Variants in TNRC6C observed in about 807,000 individuals in gnomAD.
TNRC6C encodes the protein trinucleotide repeat containing adaptor 6C, also known as trinucleotide repeat-containing gene 6C protein.
A neutral mutation model predicts 153.7 loss-of-function variants in TNRC6C; 20 were observed. That is an observed-to-expected ratio of 0.13 (90% CI 0.09 to 0.19). TNRC6C has a LOEUF of 0.19. Among genes scored for constraint, TNRC6C ranks in the 10% least tolerant of loss-of-function variants. The pLI, the probability that TNRC6C is intolerant of heterozygous loss-of-function variation, is 1.00. For missense variants in TNRC6C, 1,987 were observed against 2,172.0 expected, an observed-to-expected ratio of 0.91 and a Z score of 1.69; for synonymous variants, 811 against 841.4, an observed-to-expected ratio of 0.96 and a Z score of 0.63.
At chr17:77,959,104 C>T (rs961514324), upstream of TNRC6C, 10 of 146,530 alleles carry the variant, frequency 6.8e-5, no homozygotes, top group South Asian at 1.8e-3. Context: ...GCAGCCGCCG[C>T]CGCCGCCCGC....
At chr17:77,972,241 G>C (rs1021553830) in intron 1 of TNRC6C, among the ~76,000 whole-genome samples, 5 of 152,118 alleles carry the variant, frequency 3.3e-5, no homozygotes, top group Admixed American at 2.0e-4. Flanking sequence ...GGCCAGGCGC[G>C]GTGGCACACT....
In TNRC6C at chr17:78,104,874, C is replaced by CGACCCCTCCCGG. The variant is rs550163125; in HGVS notation, c.*42_*53dup. The CGACCCCTCCCGG allele has an allele frequency of 2.9e-4, 408 of 1,400,010 alleles. 3 individuals carry two copies. Among genetic ancestry groups the CGACCCCTCCCGG allele is most frequent in the African/African-American group, 1.2e-4 (8 of 65,974 alleles). 86.7% of individuals were successfully genotyped at this position (1,400,010 alleles called of 1,614,324 possible). On this transcript the variant is annotated 3_prime_UTR_variant, in exon 20 of 20. Coordinates refer to ENST00000301624, the Ensembl canonical transcript of TNRC6C. The surrounding 1 kb of genome is among the most constrained non-coding windows in gnomAD (Gnocchi z 6.2). ...CTGCCATCATCAGCACCAGGAGAGC[C>CGACCCCTCCCGG]GACCCCTCCCGGGACCCCTCCCGGC... is the stretch of plus-strand genomic sequence containing the variant.
At chr17:78,054,548 A>C (rs2072607898) in intron 3 of TNRC6C, among the ~76,000 whole-genome samples, 1 of 152,002 alleles carries the variant, frequency 6.6e-6, no homozygotes, top group African/African-American at 2.4e-5. Flanking sequence ...AGCACTGTAC[A>C]TCACTGTGGA....
chr17:78,011,336 T>C (rs1478723363), intron 1 of TNRC6C, among the ~76,000 whole-genome samples: 1 of 152,244 alleles, frequency 6.6e-6, no homozygotes, highest in Non-Finnish European at 1.5e-5. Context: ...CCATCTCCTC[T>C]GTCCCCACCC....
chr17:78,097,813 G>A (rs1055653500), intron 16 of TNRC6C: 35 of 1,550,716 alleles, frequency 2.3e-5, no homozygotes, highest in African/African-American at 5.5e-5. Context: ...CAGTGCCTCC[G>A]GCTACAGTAG....
upstream of TNRC6C, among the ~76,000 whole-genome samples, chr17:77,958,666 C>T (rs1598631922): frequency 6.6e-6 from 1 of 151,926 alleles, no homozygotes; most frequent in Non-Finnish European, 1.5e-5. Context: ...GCGCGAGCGC[C>T]CCGTCTGGCT....
intron 2 of TNRC6C, among the ~76,000 whole-genome samples, chr17:78,046,656 C>G (rs1022959817): frequency 6.6e-6 from 1 of 152,180 alleles, no homozygotes; most frequent in Admixed American, 6.5e-5. Context: ...CAAGATGATA[C>G]AATGTCCAAG....
At chr17:78,037,224 C>T (rs949489297) in intron 2 of TNRC6C, among the ~76,000 whole-genome samples, 2 of 152,194 alleles carry the variant, frequency 1.3e-5, no homozygotes, top group African/African-American at 4.8e-5. Context: ...AGCAGTGCCA[C>T]ACTCGGCTTG....
upstream of TNRC6C, among the ~76,000 whole-genome samples, chr17:78,004,780 T>C (rs2071467755): frequency 6.6e-6 from 1 of 152,168 alleles, no homozygotes; most frequent in Non-Finnish European, 1.5e-5. Context: ...TAATGTATCT[T>C]GTAGTTTAAA....
chr17:78,070,117 C>T (rs766382265), intron 5 of TNRC6C, among the ~76,000 whole-genome samples: 1 of 152,152 alleles, frequency 6.6e-6, no homozygotes, highest in Non-Finnish European at 1.5e-5. Context: ...CAGAGCTCTC[C>T]GCTCATGAGG....
At chr17:77,985,990 A>C (rs1292389598) in intron 1 of TNRC6C, among the ~76,000 whole-genome samples, 1 of 152,260 alleles carries the variant, frequency 6.6e-6, no homozygotes, top group African/African-American at 2.4e-5. Context: ...TAGATAAGTC[A>C]GTAACTGGAC....
At chr17:78,092,871 C>T (rs1197485859) in intron 14 of TNRC6C, 62 bp from the exon 17 acceptor site, 9 of 1,508,064 alleles carry the variant, frequency 6.0e-6, no homozygotes, top group Non-Finnish European at 8.2e-6. Flanking sequence ...CTTAGGGTAT[C>T]TTCTGGTGTC....
intron 1 of TNRC6C, among the ~76,000 whole-genome samples, chr17:77,996,234 G>T (rs1039625669): frequency 3.3e-5 from 5 of 152,174 alleles, no homozygotes. Flanking sequence ...GTAAGCCGAG[G>T]TTTAAATAAA....
chr17:78,045,217 G>A (rs754162902), intron 2 of TNRC6C, among the ~76,000 whole-genome samples: 2 of 152,166 alleles, frequency 1.3e-5, no homozygotes, highest in African/African-American at 4.8e-5. Context: ...CAAGACATGA[G>A]GGTGCTTGGA....
At chr17:78,022,525 C>T (rs976450270) in intron 1 of TNRC6C, among the ~76,000 whole-genome samples, 2 of 152,136 alleles carry the variant, frequency 1.3e-5, no homozygotes, top group African/African-American at 4.8e-5. Context: ...GGTGGAAAAG[C>T]ATGGTCAGAG....
chr17:78,037,393 A>G (rs1392331258), intron 2 of TNRC6C, among the ~76,000 whole-genome samples: 1 of 152,250 alleles, frequency 6.6e-6, no homozygotes, highest in East Asian at 1.9e-4. Flanking sequence ...GTGTTTTGGA[A>G]TAACCAATAA....
intron 19 of TNRC6C, among the ~76,000 whole-genome samples, chr17:78,103,862 C>T (rs982122056): frequency 3.9e-5 from 6 of 152,216 alleles, no homozygotes; most frequent in African/African-American, 1.4e-4. Context: ...GGACTAGGGC[C>T]TACCCATGTG....
intron 2 of TNRC6C, among the ~76,000 whole-genome samples, chr17:78,041,379 C>A (rs1252582498): frequency 6.6e-6 from 1 of 152,196 alleles, no homozygotes; most frequent in Non-Finnish European, 1.5e-5. Context: ...TGGGCTGGCA[C>A]GGGCAGGCCT....
chr17:78,056,000 T>A (rs1489835563), intron 3 of TNRC6C, among the ~76,000 whole-genome samples: 1 of 152,170 alleles, frequency 6.6e-6, no homozygotes, highest in Non-Finnish European at 1.5e-5. Flanking sequence ...ATCTCTCCCC[T>A]TTGATACGTG....
Sources: gnomAD v4.1 joint callset for allele counts (sites outside exome capture counted in the v4.1 genomes callset) on GRCh38, gnomAD v4.1.1 for gene constraint, Gnocchi (gnomAD v3.1) non-coding constraint, MANE v1.5 for transcripts, NCBI Gene and HGNC (gene_info 2026-07-23, HGNC 2026-07-21) for gene names.